ATP2B2: variants seen among roughly 807,000 people sequenced by gnomAD.
ATP2B2 encodes ATPase plasma membrane Ca2+ transporting 2, also known as plasma membrane calcium-transporting ATPase 2.
Under a neutral mutation model 120.0 loss-of-function variants are expected in ATP2B2, and 15 were observed. The observed-to-expected ratio is 0.12, with a 90% confidence interval of 0.08 to 0.19. The LOEUF (loss-of-function observed/expected upper bound fraction) is 0.19, where lower values mean the gene tolerates loss of function less well. Among genes scored for constraint, ATP2B2 ranks in the 10% least tolerant of loss-of-function variants. The pLI is 1.00. For missense variants in ATP2B2, 1,045 were observed against 1,719.8 expected (o/e 0.61, Z 6.94); for synonymous variants, 694 against 700.3 (o/e 0.99, Z 0.14).
In ATP2B2 at chr3:10,350,211, T is replaced by A. The variant is rs1283081052; in HGVS notation, c.2317-12A>T. ...CGCTCCTGCTCAATCTGGAGAGGGA[T>A]GGGGAAGGGGGCGGGTCGGTGGGGT... On this transcript the variant is annotated splice_polypyrimidine_tract_variant and intron_variant, in intron 15 of 22. Coordinates refer to ENST00000360273, the MANE Select transcript of ATP2B2 (RefSeq NM_001001331.4). 1 of 585,630 alleles carries A rather than the reference T, an allele frequency of 1.7e-6. No individual in the cohort carries two copies. Among genetic ancestry groups the A allele is most frequent in the East Asian group, 6.5e-5 (1 of 15,482 alleles). The allele number at this position is 585,630 out of a possible 1,614,324, so 36.3% of individuals were successfully genotyped here.
intron 2 of ATP2B2, among the ~76,000 whole-genome samples, chr3:10,582,062 A>G (rs1457686041): frequency 6.6e-6 from 1 of 152,220 alleles, no homozygotes; most frequent in Non-Finnish European, 1.5e-5. Context: ...CCGCATTTCA[A>G]TGAACACAAA....
chr3:10,569,185 G>T (rs73032939), intron 2 of ATP2B2, among the ~76,000 whole-genome samples: 6,566 of 152,230 alleles, frequency 0.043, 320 homozygotes, highest in East Asian at 0.26. Context: ...CCACCCAAGA[G>T]AAATAGGGAA....
chr3:10,625,257 T>TTA (rs1203245684), intron 1 of ATP2B2, among the ~76,000 whole-genome samples: 2 of 152,154 alleles, frequency 1.3e-5, no homozygotes, highest in Admixed American at 6.5e-5. Flanking sequence ...TTTTTCCTGA[T>TTA]TATACTTGAT....
At chr3:10,386,569 C>A in intron 6 of ATP2B2, 57 bp from the exon 7 acceptor site, 1 of 1,586,414 alleles carries the variant, frequency 6.3e-7, no homozygotes, top group Non-Finnish European at 8.7e-7. Flanking sequence ...CCTCATCTGC[C>A]CATGCGCACG....
At chr3:10,332,384 G>A (rs1574926070) in intron 22 of ATP2B2, 1 of 294,142 alleles carries the variant, frequency 3.4e-6, no homozygotes, top group East Asian at 5.4e-5. Flanking sequence ...TGATAAACAC[G>A]GAGCCTGCTA....
chr3:10,458,796 C>A lies in ATP2B2; in HGVS notation c.-319-8934G>T, dbSNP rs554767985. 2.0e-5 allele frequency among the ~76,000 whole-genome samples: 3 copies of A among 152,360 alleles called. No homozygotes were observed. The East Asian group carries it at 5.8e-4, about 29-fold the overall frequency. On this transcript the variant is annotated intron_variant, in intron 1 of 22. Coordinates refer to ENST00000360273, the MANE Select transcript of ATP2B2 (RefSeq NM_001001331.4). ...AGCTGGGGCTCAGAGAGGCCACAAT[C>A]GCCACGGCCATATGGGTAGGACTTG...
chr3:10,644,249 T>C (rs1047717606), intron 1 of ATP2B2, among the ~76,000 whole-genome samples: 2 of 152,074 alleles, frequency 1.3e-5, no homozygotes, highest in Non-Finnish European at 2.9e-5. Context: ...GTGGCTGTAA[T>C]AAGTTAAGGA....
At chr3:10,409,411 T>A (rs958403234) in intron 3 of ATP2B2, among the ~76,000 whole-genome samples, 2 of 152,196 alleles carry the variant, frequency 1.3e-5, no homozygotes, top group Admixed American at 6.5e-5. Flanking sequence ...AATTCAGTAC[T>A]CTTTAGTATA....
upstream of ATP2B2, among the ~76,000 whole-genome samples, chr3:10,506,849 C>T (rs960130963): frequency 6.6e-5 from 10 of 152,254 alleles, no homozygotes; most frequent in Non-Finnish European, 1.0e-4. Flanking sequence ...GCCCGAGCGT[C>T]CCGAGCTGCC....
At chr3:10,532,071 G>A (rs1005577701) in intron 3 of ATP2B2, among the ~76,000 whole-genome samples, 3 of 149,792 alleles carry the variant, frequency 2.0e-5, no homozygotes, top group African/African-American at 7.4e-5. Flanking sequence ...TCCTGGCTTT[G>A]GAAGGATGTT....
At chr3:10,587,313 T>C (rs945506181) in intron 2 of ATP2B2, among the ~76,000 whole-genome samples, 1 of 144,438 alleles carries the variant, frequency 6.9e-6, no homozygotes, top group Non-Finnish European at 1.5e-5. Flanking sequence ...TCAATATATA[T>C]GTATATATGT....
At chr3:10,592,824 C>T (rs2068675808) in intron 2 of ATP2B2, among the ~76,000 whole-genome samples, 1 of 152,230 alleles carries the variant, frequency 6.6e-6, no homozygotes, top group Non-Finnish European at 1.5e-5. Context: ...GCTCTGTTGC[C>T]CAGGCTGGAG....
intron 1 of ATP2B2, among the ~76,000 whole-genome samples, chr3:10,692,870 C>T (rs2071689568): frequency 1.7e-5 from 1 of 59,438 alleles, no homozygotes; most frequent in African/African-American, 6.9e-5. Flanking sequence ...TGTGCACTCA[C>T]TGGGGGATTC....
intron 2 of ATP2B2, among the ~76,000 whole-genome samples, chr3:10,411,580 C>T (rs1191097922): frequency 6.6e-6 from 1 of 152,186 alleles, no homozygotes; most frequent in African/African-American, 2.4e-5. Context: ...AGCCTCAGTA[C>T]CCTCTACTGT....
intron 22 of ATP2B2, among the ~76,000 whole-genome samples, chr3:10,337,521 C>T (rs576193049): frequency 1.7e-4 from 26 of 152,182 alleles, no homozygotes; most frequent in East Asian, 9.7e-4. Flanking sequence ...TCGGGGGAGG[C>T]GCGCAGGTGT....
chr3:10,415,748 G>C (rs924056080), intron 2 of ATP2B2, among the ~76,000 whole-genome samples: 3 of 152,166 alleles, frequency 2.0e-5, no homozygotes, highest in Non-Finnish European at 4.4e-5. Context: ...TCACCATTTC[G>C]CATATTAAAA....
intron 3 of ATP2B2, among the ~76,000 whole-genome samples, chr3:10,407,687 C>A (rs1010146617): frequency 3.3e-5 from 5 of 152,218 alleles, no homozygotes; most frequent in African/African-American, 1.2e-4. Flanking sequence ...TATGCTCACA[C>A]TGTCCACCCC....
At chr3:10,548,483 C>T (rs891027900) in intron 2 of ATP2B2, among the ~76,000 whole-genome samples, 9 of 152,198 alleles carry the variant, frequency 5.9e-5, no homozygotes, top group African/African-American at 1.9e-4. Context: ...GATATCCCAG[C>T]TCTGTTCCCT....
At chr3:10,645,460 G>A (rs1333486867) in intron 1 of ATP2B2, among the ~76,000 whole-genome samples, 1 of 152,164 alleles carries the variant, frequency 6.6e-6, no homozygotes, top group African/African-American at 2.4e-5. Flanking sequence ...TTAGAGGTGA[G>A]GTGTAAGGAG....
Sources: gnomAD v4.1 joint callset for allele counts (sites outside exome capture counted in the v4.1 genomes callset) on GRCh38, gnomAD v4.1.1 for gene constraint, MANE v1.5 for transcripts, NCBI Gene and HGNC (gene_info 2026-07-23, HGNC 2026-07-21) for gene names.